THADA: variants seen among roughly 807,000 people sequenced by gnomAD.
The protein encoded by THADA is tRNA (32-2'-O)-methyltransferase regulator THADA.
THADA carries 213 observed loss-of-function variants against 219.8 expected under a neutral mutation model. The observed-to-expected ratio is 0.97, with a 90% confidence interval of 0.87 to 1.09. The LOEUF (loss-of-function observed/expected upper bound fraction) is 1.09. Ranked by LOEUF, THADA falls within the 50% of genes least tolerant of loss-of-function variation. The pLI is 0.00. For missense variants in THADA, 2,956 were observed against 2,311.3 expected (o/e 1.28, Z -5.72); for synonymous variants, 1,018 against 828.9 (o/e 1.23, Z -3.92).
chr2:43,308,040 TA>T (rs5830758), intron 31 of THADA, among the ~76,000 whole-genome samples: 34,258 of 151,662 alleles, frequency 0.23, 4,775 homozygotes, highest in African/African-American at 0.39. Context: ...TATCTAAAAT[TA>T]AAAAAAATTC....
chr2:43,581,576 A>T (rs35208978), intron 8 of THADA, among the ~76,000 whole-genome samples, 165 bp downstream of exon 8: 1 of 150,792 alleles, frequency 6.6e-6, no homozygotes, highest in African/African-American at 2.4e-5. Context: ...AAAAAAAAAA[A>T]AACCATGTAG....
chr2:43,586,645 C>G, intron 6 of THADA, 57 bp downstream of exon 6: 1 of 1,557,406 alleles, frequency 6.4e-7, no homozygotes, highest in Non-Finnish European at 8.7e-7. Context: ...GAGCCAGTTC[C>G]AAAATGACTC....
At chr2:43,369,194 T>C (rs969527497) in intron 29 of THADA, among the ~76,000 whole-genome samples, 4 of 152,228 alleles carry the variant, frequency 2.6e-5, no homozygotes, top group African/African-American at 9.6e-5. Flanking sequence ...TTGAGCAGTC[T>C]TGGAAGAGTC....
chr2:43,243,475 C>G (rs1373496699), intron 36 of THADA, among the ~76,000 whole-genome samples: 3 of 152,186 alleles, frequency 2.0e-5, no homozygotes, highest in Non-Finnish European at 4.4e-5. Context: ...TCTCACACAA[C>G]CGCAAACAGT....
intron 29 of THADA, among the ~76,000 whole-genome samples, chr2:43,395,315 A>C (rs868442025): frequency 1.8e-4 from 27 of 152,364 alleles, no homozygotes; most frequent in Middle Eastern, 3.4e-3. Flanking sequence ...TCTTTTGAAG[A>C]AGCAGCAGAG....
Position 43,577,082 on chromosome 2 carries a change from C to A in THADA, c.977G>T (p.Gly326Val), listed in dbSNP as rs1347472487. The part of the protein sequence containing the change: ...AMLDWQNGSM[G>V]RSGEALLLDT... Reference sequence around the variant, plus strand: ...CAAGAGCAGGGCCTCCCCACTCCGACCCATGCTTCCGTTCTGCCAGTCCAA... The same window carrying A: ...CAAGAGCAGGGCCTCCCCACTCCGAACCATGCTTCCGTTCTGCCAGTCCAA... The change falls in exon 10 of 38, where the codon GGT becomes GTT. Residue 326 changes from glycine to valine, a missense_variant. Transcript: ENST00000405975. 6.2e-7 allele frequency: 1 copy of A among 1,613,536 alleles called. No individual in the cohort carries two copies. The highest frequency in any genetic ancestry group is 1.7e-5 in the Admixed American group (1 of 59,952).
At chr2:43,412,173 A>G (rs1676386124) in intron 28 of THADA, among the ~76,000 whole-genome samples, 1 of 152,160 alleles carries the variant, frequency 6.6e-6, no homozygotes, top group East Asian at 1.9e-4. Flanking sequence ...GACATTCTTT[A>G]TTTCCGTTTG....
At chr2:43,337,749 A>T (rs1666628737) in intron 30 of THADA, among the ~76,000 whole-genome samples, 1 of 152,116 alleles carries the variant, frequency 6.6e-6, no homozygotes, top group African/African-American at 2.4e-5. Flanking sequence ...TTTTTCTGAA[A>T]CATCATCTAC....
intron 31 of THADA, among the ~76,000 whole-genome samples, chr2:43,294,233 T>A (rs980987233): frequency 6.6e-6 from 1 of 152,242 alleles, no homozygotes; most frequent in African/African-American, 2.4e-5. Context: ...CAAAAACTTA[T>A]TGCCTGCTTA....
chr2:43,425,513 G>C (rs1436151400), intron 28 of THADA, among the ~76,000 whole-genome samples: 2 of 148,282 alleles, frequency 1.3e-5, no homozygotes, highest in South Asian at 2.2e-4. Context: ...AATATCCCAA[G>C]TTTAATTTTG....
At chr2:43,542,501 C>T (rs1695456271) in intron 20 of THADA, among the ~76,000 whole-genome samples, 1 of 152,162 alleles carries the variant, frequency 6.6e-6, no homozygotes, top group Admixed American at 6.5e-5. Context: ...TAATACATCA[C>T]TAAGAAATTG....
At chr2:43,480,223 T>C (rs1558828454) in intron 26 of THADA, among the ~76,000 whole-genome samples, 1 of 152,222 alleles carries the variant, frequency 6.6e-6, no homozygotes, top group Non-Finnish European at 1.5e-5. Flanking sequence ...AGGATGATAC[T>C]GCCTACCTCG....
chr2:43,474,626 C>T (rs898773361), intron 26 of THADA, among the ~76,000 whole-genome samples: 4 of 152,026 alleles, frequency 2.6e-5, no homozygotes, highest in Non-Finnish European at 4.4e-5. Flanking sequence ...ATGGAACCAG[C>T]GGCATAAGAA....
chr2:43,286,401 A>G (rs528668674), intron 35 of THADA, among the ~76,000 whole-genome samples: 1 of 152,302 alleles, frequency 6.6e-6, no homozygotes, highest in Admixed American at 6.5e-5. Flanking sequence ...GGCTCTTTGT[A>G]GAAAAAAGTT....
chr2:43,378,590 T>C lies in THADA; in HGVS notation c.4227+19381A>G, dbSNP rs574740318. Among the ~76,000 whole-genome samples, 59 of 152,292 alleles carry C rather than the reference T, an allele frequency of 3.9e-4. 1 individual carries two copies. The highest frequency in any genetic ancestry group is 2.5e-3 in the Admixed American group (38 of 15,288). ...TGTCTTATTATAATAACAGATGTCATAGACAATATAATAGTATCTTCTTTT... is the reference window on the plus strand; with the variant it reads ...TGTCTTATTATAATAACAGATGTCACAGACAATATAATAGTATCTTCTTTT... On this transcript the variant is annotated intron_variant, in intron 29 of 37. Coordinates refer to ENST00000405975, the MANE Select transcript of THADA (RefSeq NM_022065.5).
At chr2:43,368,899 ACTGT>A (rs1670482752) in intron 29 of THADA, among the ~76,000 whole-genome samples, 1 of 152,058 alleles carries the variant, frequency 6.6e-6, no homozygotes, top group South Asian at 2.1e-4. Flanking sequence ...TCTCTAGTTC[ACTGT>A]CTATAGCAAT....
Position 43,428,136 on chromosome 2 carries a change from G to C in THADA, c.4022C>G (p.Ala1341Gly). 6.2e-7 allele frequency: 1 copy of C among 1,610,610 alleles called. No homozygotes were observed. Among genetic ancestry groups the C allele is most frequent in the South Asian group, 1.1e-5 (1 of 90,752 alleles). ...YASPMDGTSS[A>G]LSMGPFVPFI... The stretch of plus-strand genomic sequence containing the variant: ...GGGAACAAAAGGTCCCATGCTGAGA[G>C]CAGAAGAAGTACCATCCATCGGGGA... The change falls in exon 28 of 38, where the codon GCT (alanine) becomes GGT (glycine). Residue 1341 changes from alanine (A) to glycine (G), a missense_variant. Physicochemically the swap from Ala to Gly is moderately conservative, Grantham distance 60. Transcript: ENST00000405975.
At chr2:43,427,611 G>T (rs917017591) in intron 28 of THADA, among the ~76,000 whole-genome samples, 2 of 145,840 alleles carry the variant, frequency 1.4e-5, no homozygotes, top group South Asian at 2.2e-4. Flanking sequence ...ATATATAATA[G>T]TTATATATAT....
At chr2:43,378,313 G>A (rs1394107334) in intron 29 of THADA, among the ~76,000 whole-genome samples, 1 of 152,044 alleles carries the variant, frequency 6.6e-6, no homozygotes, top group Non-Finnish European at 1.5e-5. Flanking sequence ...CAAGAATCAA[G>A]CCCAGAGATA....
Sources: gnomAD v4.1 joint callset for allele counts (sites outside exome capture counted in the v4.1 genomes callset) on GRCh38, gnomAD v4.1.1 for gene constraint, MANE v1.5 for transcripts, NCBI Gene and HGNC (gene_info 2026-07-23, HGNC 2026-07-21) for gene names.